The following INSC variants were observed in gnomAD, a reference collection of about 807,000 sequenced individuals.
INSC encodes INSC spindle orientation adaptor protein.
In INSC, 67 loss-of-function variants were observed where a neutral mutation model predicts 58.6. The observed-to-expected ratio is 1.14, with a 90% CI of 0.94 to 1.40. INSC has a LOEUF of 1.40. Ranked by LOEUF, INSC falls within the 40% of genes most tolerant of loss-of-function variation. INSC has a pLI of 0.00. For missense variants in INSC, 714 were observed against 692.0 expected (o/e 1.03, Z -0.36); for synonymous variants, 262 against 276.1 (o/e 0.95, Z 0.51).
chr11:15,264,257 A>G, the INSC span, among the ~76,000 whole-genome samples: 2 of 127,516 alleles, frequency 1.6e-5, no homozygotes, highest in African/African-American at 6.0e-5. Flanking sequence ...TAGAACCTCA[A>G]ATTCTTCTCA....
At chr11:15,208,178 G>C (rs1476560986) in intron 7 of INSC, among the ~76,000 whole-genome samples, 1 of 152,186 alleles carries the variant, frequency 6.6e-6, no homozygotes, top group Admixed American at 6.5e-5. Context: ...TAGAGAGAGG[G>C]AGAGAGAATG....
intron 10 of INSC, among the ~76,000 whole-genome samples, chr11:15,237,846 C>G (rs1290911384): frequency 6.6e-6 from 1 of 152,130 alleles, no homozygotes; most frequent in Non-Finnish European, 1.5e-5. Flanking sequence ...GGTTAAAATT[C>G]AGGAGGCAGT....
intron 7 of INSC, among the ~76,000 whole-genome samples, chr11:15,207,753 C>T (rs1318001155): frequency 6.6e-6 from 1 of 151,982 alleles, no homozygotes; most frequent in Admixed American, 6.5e-5. Context: ...TTAATTTTTG[C>T]AAAAAATAAA....
At chr11:15,227,037 A>G (rs1714339) in intron 9 of INSC, among the ~76,000 whole-genome samples, 43,093 of 152,154 alleles carry the variant, frequency 0.28, 6,737 homozygotes, top group Non-Finnish European at 0.36. Flanking sequence ...TTTGCGTATG[A>G]GGGTTCTAAT....
At chr11:15,113,734 C>T (rs1033870244), upstream of INSC, among the ~76,000 whole-genome samples, 1 of 152,068 alleles carries the variant, frequency 6.6e-6, no homozygotes, top group African/African-American at 2.4e-5. Flanking sequence ...CCCTGGGCCC[C>T]CAGAGAGCTG....
chr11:15,237,562 C>T (rs1316221093), intron 10 of INSC, among the ~76,000 whole-genome samples: 1 of 152,144 alleles, frequency 6.6e-6, no homozygotes, highest in African/African-American at 2.4e-5. Flanking sequence ...TTTTCCAAAG[C>T]AGGGCAGGAT....
intron 5 of INSC, among the ~76,000 whole-genome samples, chr11:15,180,694 C>CGGGGGGGGGGGGGGGGGGGGGGGGG (rs756237896): frequency 4.8e-5 from 2 of 41,820 alleles, no homozygotes; most frequent in Non-Finnish European, 9.1e-5. Flanking sequence ...AGGGGGGGGG[C>CGGGGGGGGGGGGGGGGGGGGGGGGG]GGGGGGGGGT....
At chr11:15,137,698 A>G (rs962852107) in intron 1 of INSC, among the ~76,000 whole-genome samples, 2 of 152,186 alleles carry the variant, frequency 1.3e-5, no homozygotes, top group African/African-American at 4.8e-5. Context: ...CTTGCTGTAG[A>G]TTAGGCTTTG....
In INSC at chr11:15,114,954, C is replaced by T. The variant is rs1319165911; in HGVS notation, c.-95C>T. On this transcript the variant is annotated 5_prime_UTR_variant, in exon 1 of 13. Coordinates refer to ENST00000379556, the MANE Select transcript of INSC (RefSeq NM_001042536.3). ...CGCGCGGCCTCTGGAGCTCCAGCTG[C>T]GCCCCGCCACCACTGGCCGCTCGCA... is the stretch of plus-strand genomic sequence containing the variant. 2 of 985,356 alleles carry T rather than the reference C, an allele frequency of 2.0e-6. No individual in the cohort carries two copies. The highest frequency in any genetic ancestry group is 2.4e-6 in the Non-Finnish European group (2 of 829,952). The allele number at this position is 985,356 out of a possible 1,614,324, so 61.0% of individuals were successfully genotyped here. A position where few individuals can be genotyped will look rare whatever the true frequency, so the allele number is the denominator to read the frequency against.
chr11:15,150,405 TA>T lies in INSC; in HGVS notation c.56+1178del, dbSNP rs376208340. 2.8e-3 allele frequency among the ~76,000 whole-genome samples: 425 copies of T among 152,364 alleles called. 4 individuals carry two copies. The highest frequency in any genetic ancestry group is 9.6e-3 in the African/African-American group (400 of 41,584). ...TAACACCATGGTTATTGTCTCCAGA[TA>T]AATAATTCATGCTGGATAATTGACT... On this transcript the variant is annotated intron_variant, in intron 2 of 12. Coordinates refer to ENST00000379556, the MANE Select transcript of INSC (RefSeq NM_001042536.3).
chr11:15,269,114 TCAA>T, the INSC span, among the ~76,000 whole-genome samples: 1 of 152,190 alleles, frequency 6.6e-6, no homozygotes, highest in South Asian at 2.1e-4. Flanking sequence ...ACTCAGTATG[TCAA>T]CAATTTTGTT....
At chr11:15,201,668 G>C (rs879850325) in intron 7 of INSC, among the ~76,000 whole-genome samples, 43 of 152,328 alleles carry the variant, frequency 2.8e-4, no homozygotes, top group Non-Finnish European at 5.9e-4. Context: ...CCAGCCAGGA[G>C]AGCTGGGGAG....
chr11:15,221,709 A>G, intron 8 of INSC, 61 bp downstream of exon 8: 3 of 1,494,166 alleles, frequency 2.0e-6, no homozygotes, highest in Non-Finnish European at 2.7e-6. Flanking sequence ...TTGTCTTCAG[A>G]AATAGCCAGG....
chr11:15,163,076 AACATC>A (rs1244758316), intron 2 of INSC, among the ~76,000 whole-genome samples: 1 of 152,218 alleles, frequency 6.6e-6, no homozygotes, highest in African/African-American at 2.4e-5. Context: ...ATTTTTGCCC[AACATC>A]ACTCTGTCAT....
upstream of INSC, among the ~76,000 whole-genome samples, chr11:15,114,643 G>C (rs865796080): frequency 6.6e-6 from 1 of 152,188 alleles, no homozygotes; most frequent in African/African-American, 2.4e-5. Flanking sequence ...GGGGGAGCCC[G>C]GTCTCTAATT....
intron 2 of INSC, among the ~76,000 whole-genome samples, chr11:15,158,383 T>G (rs1356408041): frequency 6.6e-6 from 1 of 151,912 alleles, no homozygotes; most frequent in Non-Finnish European, 1.5e-5. Flanking sequence ...CTAGTGAAAC[T>G]TCTTGCCATA....
At chr11:15,119,552 G>T (rs763267275) in intron 1 of INSC, among the ~76,000 whole-genome samples, 1 of 152,250 alleles carries the variant, frequency 6.6e-6, no homozygotes, top group African/African-American at 2.4e-5. Flanking sequence ...TGGCTGGGTA[G>T]TTGTGTATAC....
At chr11:15,244,053 G>C (rs1024994140) in intron 12 of INSC, among the ~76,000 whole-genome samples, 3 of 151,638 alleles carry the variant, frequency 2.0e-5, no homozygotes, top group African/African-American at 7.3e-5. Flanking sequence ...TCTCTTGATA[G>C]GTCTATGTTC....
chr11:15,150,879 G>T (rs1848628522), intron 2 of INSC, among the ~76,000 whole-genome samples: 1 of 152,180 alleles, frequency 6.6e-6, no homozygotes, highest in Non-Finnish European at 1.5e-5. Flanking sequence ...ATCAGACTTG[G>T]GTTCAAAGCC....
Sources: gnomAD v4.1 joint callset for allele counts (sites outside exome capture counted in the v4.1 genomes callset) on GRCh38, gnomAD v4.1.1 for gene constraint, MANE v1.5 for transcripts, NCBI Gene and HGNC (gene_info 2026-07-23, HGNC 2026-07-21) for gene names.